The following MBNL3 variants were observed in gnomAD, a reference collection of about 807,000 sequenced individuals.
The protein encoded by MBNL3 is muscleblind-like protein 3.
A neutral mutation model predicts 24.5 loss-of-function variants in MBNL3; 6 were observed. The ratio of observed to expected loss-of-function variants is 0.25; its 90% CI spans 0.13 to 0.48. MBNL3 has a LOEUF of 0.48. Ranked by LOEUF, MBNL3 falls within the 20% of genes least tolerant of loss-of-function variation. MBNL3 has a pLI of 0.99. For synonymous variants in MBNL3, 100 were observed against 101.7 expected, an observed-to-expected ratio of 0.98 and a Z score of 0.10; for missense variants, 230 against 293.5, an observed-to-expected ratio of 0.78 and a Z score of 1.58.
At position 132,379,218 on chromosome X, in the gene MBNL3, A is replaced by T. The variant is rs1344931381; in HGVS notation, c.*448T>A. The T allele has an allele frequency of 1.7e-5, 2 of 121,210 alleles. No homozygotes were observed. The highest frequency in any genetic ancestry group is 3.4e-5 in the Non-Finnish European group (2 of 59,632). 10.0% of individuals were successfully genotyped at this position (121,210 alleles called of 1,213,427 possible). ...TACAACACAAGAAATGGTACTGAAT[A>T]TATTTGTTACATCCTGAATCAACCC... On this transcript the variant is annotated 3_prime_UTR_variant, in exon 9 of 9. Coordinates refer to ENST00000370853, the MANE Select transcript of MBNL3 (RefSeq NM_001386889.1).
chrX:132,486,921 G>C (rs1214402098), intron 1 of MBNL3, among the ~76,000 whole-genome samples: 3 of 111,724 alleles, frequency 2.7e-5, no homozygotes, highest in African/African-American at 9.8e-5. Context: ...GTAGCTCTTA[G>C]AAGTAGAGCA....
intron 3 of MBNL3, among the ~76,000 whole-genome samples, chrX:132,402,645 A>G (rs1302309865): frequency 8.9e-6 from 1 of 111,786 alleles, no homozygotes. Context: ...AACTTCCTTA[A>G]TAAAGCCAAA....
At chrX:132,461,560 G>A (rs1946632490) in intron 1 of MBNL3, among the ~76,000 whole-genome samples, 1 of 110,702 alleles carries the variant, frequency 9.0e-6, no homozygotes, top group Non-Finnish European at 1.9e-5. Flanking sequence ...TCTAGTTGGG[G>A]AGATAATCTC....
chrX:132,421,725 A>G lies in MBNL3; in HGVS notation c.178-15333T>C, dbSNP rs1340101489. ...AAAATCATAATGAATGAAACATTCA[A>G]AGTCATTTGTATTATATAAAAAAGC... is the stretch of plus-strand genomic sequence containing the variant. On this transcript the variant is annotated intron_variant, in intron 2 of 8. Transcript: ENST00000370853. Among the ~76,000 whole-genome samples the G allele has an allele frequency of 5.4e-5, 6 of 111,916 alleles. No homozygotes were observed. In the East Asian group the frequency reaches 1.7e-3, roughly 31 times the overall value.
At chrX:132,447,902 C>T (rs773543126) in intron 1 of MBNL3, among the ~76,000 whole-genome samples, 40 of 111,691 alleles carry the variant, frequency 3.6e-4, no homozygotes, top group Admixed American at 1.2e-3. Context: ...ATAAATAACT[C>T]TTATTATTTT....
intron 1 of MBNL3, among the ~76,000 whole-genome samples, chrX:132,469,053 CTG>C (rs757206692): frequency 2.2e-4 from 25 of 112,220 alleles, no homozygotes; most frequent in African/African-American, 7.4e-4. Context: ...TTTAATTTCA[CTG>C]TGTTAGTAAA....
intron 1 of MBNL3, among the ~76,000 whole-genome samples, chrX:132,451,786 G>T (rs1946125250): frequency 9.0e-6 from 1 of 111,507 alleles, no homozygotes; most frequent in Admixed American, 9.4e-5. Context: ...TGAAACCCAG[G>T]GCCCTGGTGG....
At chrX:132,464,317 C>T (rs1482210136) in intron 1 of MBNL3, among the ~76,000 whole-genome samples, 1 of 112,287 alleles carries the variant, frequency 8.9e-6, no homozygotes, top group Non-Finnish European at 1.9e-5. Context: ...CTTCTGTCGA[C>T]TGTGGGTTTC....
At chrX:132,447,291 A>G (rs1160237686) in intron 1 of MBNL3, among the ~76,000 whole-genome samples, 3 of 111,867 alleles carry the variant, frequency 2.7e-5, no homozygotes, top group Non-Finnish European at 5.6e-5. Context: ...TTCTGTGAAG[A>G]AAGTCAGTGG....
At chrX:132,420,814 A>T (rs1310653798) in intron 2 of MBNL3, among the ~76,000 whole-genome samples, 6 of 111,631 alleles carry the variant, frequency 5.4e-5, no homozygotes, top group Non-Finnish European at 1.1e-4. Context: ...AAAAATAAAA[A>T]GTGACTAGAC....
At chrX:132,436,566 G>A (rs1945129742) in intron 2 of MBNL3, among the ~76,000 whole-genome samples, 1 of 112,206 alleles carries the variant, frequency 8.9e-6, no homozygotes, top group African/African-American at 3.2e-5. Context: ...AATCACTCAT[G>A]AGAGAAGAAA....
At chrX:132,418,812 G>A (rs1034718079) in intron 2 of MBNL3, among the ~76,000 whole-genome samples, 1 of 112,468 alleles carries the variant, frequency 8.9e-6, no homozygotes, top group South Asian at 3.7e-4. Context: ...TCACTCTGTT[G>A]CCCAGGCTGG....
chrX:132,439,348 T>C (rs954807930), intron 2 of MBNL3, 87 bp downstream of exon 2: 3 of 988,414 alleles, frequency 3.0e-6, no homozygotes, highest in Non-Finnish European at 4.0e-6. Flanking sequence ...CATGCTATTA[T>C]TAATTTTACT....
chrX:132,461,184 G>A (rs150676596), intron 1 of MBNL3, among the ~76,000 whole-genome samples: 1 of 111,859 alleles, frequency 8.9e-6, no homozygotes, highest in Non-Finnish European at 1.9e-5. Flanking sequence ...AAAAAATAAA[G>A]ACAAGTGGTT....
intron 6 of MBNL3, among the ~76,000 whole-genome samples, chrX:132,385,726 G>T (rs1318283398): frequency 9.0e-6 from 1 of 110,879 alleles, no homozygotes; most frequent in Non-Finnish European, 1.9e-5. Context: ...CTAAAGACTG[G>T]TGTTTTATGG....
chrX:132,383,852 T>C (rs1935486542), intron 7 of MBNL3, among the ~76,000 whole-genome samples: 1 of 111,702 alleles, frequency 9.0e-6, no homozygotes, highest in Admixed American at 9.5e-5. Flanking sequence ...ATGGCCTGGA[T>C]TGATGTGAGA....
chrX:132,396,074 T>C (rs1938165866), intron 3 of MBNL3, among the ~76,000 whole-genome samples: 1 of 109,540 alleles, frequency 9.1e-6, no homozygotes, highest in African/African-American at 3.3e-5. Flanking sequence ...TAGGAAACTC[T>C]TATTCCAGTG....
chrX:132,473,247 T>C (rs1208237133), intron 1 of MBNL3, among the ~76,000 whole-genome samples: 1 of 112,100 alleles, frequency 8.9e-6, no homozygotes, highest in Non-Finnish European at 1.9e-5. Context: ...ATATCCTCCA[T>C]AATCTAAATG....
intron 2 of MBNL3, among the ~76,000 whole-genome samples, chrX:132,410,525 A>G (rs1942576318): frequency 8.9e-6 from 1 of 112,189 alleles, no homozygotes; most frequent in African/African-American, 3.2e-5. Flanking sequence ...CTCAAATACA[A>G]TTATAACTGG....
Sources: gnomAD v4.1 joint callset for allele counts (sites outside exome capture counted in the v4.1 genomes callset) on GRCh38, gnomAD v4.1.1 for gene constraint, MANE v1.5 for transcripts, NCBI Gene and HGNC (gene_info 2026-07-23, HGNC 2026-07-21) for gene names.